Variants in ANO3 observed in about 807,000 individuals in gnomAD.
ANO3 encodes anoctamin-3.
ANO3 carries 99 observed loss-of-function variants against 144.8 expected under a neutral mutation model. That is an observed-to-expected ratio of 0.68 (90% CI 0.58 to 0.81). The LOEUF is 0.81. Among genes scored for constraint, ANO3 ranks in the 30% least tolerant of loss-of-function variants. The pLI is 0.00. For missense variants in ANO3, 905 were observed against 1,202.2 expected (o/e 0.75, Z 3.66); for synonymous variants, 414 against 392.6 (o/e 1.05, Z -0.64).
At chr11:26,572,954 G>A (rs1850884093) in intron 14 of ANO3, among the ~76,000 whole-genome samples, 1 of 152,128 alleles carries the variant, frequency 6.6e-6, no homozygotes, top group Admixed American at 6.6e-5. Context: ...CCCAGGTAAT[G>A]CTTGATTAAA....
intron 1 of ANO3, among the ~76,000 whole-genome samples, chr11:26,372,153 TC>T (rs149658918): frequency 0.016 from 2,498 of 152,264 alleles, 62 homozygotes; most frequent in African/African-American, 0.057. Flanking sequence ...AGGGTGGTTT[TC>T]CCCATGCTCT....
At chr11:26,208,250 A>C (rs2133778859) in intron 1 of ANO3, 1 of 152,456 alleles carries the variant, frequency 6.6e-6, no homozygotes, top group South Asian at 2.1e-4. Flanking sequence ...TGTGGCTCAC[A>C]CCTGTAATCC....
chr11:26,420,405 CT>C (rs1350713918), intron 1 of ANO3, among the ~76,000 whole-genome samples: 4 of 152,034 alleles, frequency 2.6e-5, no homozygotes, highest in Non-Finnish European at 5.9e-5. Flanking sequence ...CATCCTGCCC[CT>C]CTTACCAGTT....
At chr11:26,641,570 T>A (rs1853151499) in intron 21 of ANO3, among the ~76,000 whole-genome samples, 1 of 152,104 alleles carries the variant, frequency 6.6e-6, no homozygotes, top group African/African-American at 2.4e-5. Context: ...ATTTGTTTAA[T>A]CAATGTCAAG....
chr11:26,450,861 G>A (rs184392578), intron 3 of ANO3, among the ~76,000 whole-genome samples: 13 of 152,228 alleles, frequency 8.5e-5, no homozygotes, highest in African/African-American at 2.6e-4. Flanking sequence ...TGACATTATA[G>A]TAAAGAAGAA....
intron 3 of ANO3, among the ~76,000 whole-genome samples, chr11:26,450,020 C>A (rs145900793): frequency 6.6e-6 from 1 of 152,060 alleles, no homozygotes. Flanking sequence ...CCTCCCAAAG[C>A]GCTGGGATTT....
At chr11:26,288,489 G>C (rs916793672) in intron 1 of ANO3, among the ~76,000 whole-genome samples, 1 of 152,022 alleles carries the variant, frequency 6.6e-6, no homozygotes, top group Admixed American at 6.6e-5. Flanking sequence ...GGTAGGAAAG[G>C]GATTCCTTCC....
At chr11:26,659,107 T>TAC (rs1853795474) in intron 26 of ANO3, among the ~76,000 whole-genome samples, 1 of 130,370 alleles carries the variant, frequency 7.7e-6, no homozygotes, top group Non-Finnish European at 1.8e-5. Context: ...CACATATATA[T>TAC]ATACACACAT....
chr11:26,385,588 C>T (rs532007074), intron 1 of ANO3, among the ~76,000 whole-genome samples: 7 of 152,202 alleles, frequency 4.6e-5, no homozygotes, highest in South Asian at 2.1e-4. Flanking sequence ...AAATGTCTAA[C>T]CTCTGCTTCC....
intron 1 of ANO3, among the ~76,000 whole-genome samples, chr11:26,392,185 A>G (rs1856898468): frequency 6.6e-6 from 1 of 150,398 alleles, no homozygotes; most frequent in African/African-American, 2.4e-5. Context: ...ATTGAGTCAC[A>G]AGACTGGTTT....
At chr11:26,512,272 C>G (rs1339918270) in intron 5 of ANO3, among the ~76,000 whole-genome samples, 1 of 152,206 alleles carries the variant, frequency 6.6e-6, no homozygotes, top group African/African-American at 2.4e-5. Context: ...TTTCCCTTCT[C>G]TCAAGAGTGA....
chr11:26,450,496 G>A (rs1858889469), intron 3 of ANO3, among the ~76,000 whole-genome samples: 1 of 152,184 alleles, frequency 6.6e-6, no homozygotes, highest in Admixed American at 6.5e-5. Flanking sequence ...CACAGAGCAA[G>A]CCATGTATGG....
rs894796653 is a variant in ANO3, at chr11:26,332,212, G to A, written c.-64G>A. On this transcript the variant is annotated 5_prime_UTR_variant, in exon 1 of 27. Coordinates refer to ENST00000256737, the MANE Select transcript of ANO3 (RefSeq NM_031418.4). ...CGGACCTTGGAGCGTCTAGAGTCTG[G>A]CTACTGTTCCTCCGCCTCCCTCTCG... 45 of 1,613,820 alleles carry A rather than the reference G, an allele frequency of 2.8e-5. No individual in the cohort carries two copies. The Admixed American group carries it at 7.2e-4, about 26-fold the overall frequency.
chr11:26,286,318 TAAAGG>T (rs1564949189), intron 1 of ANO3, among the ~76,000 whole-genome samples: 1 of 152,214 alleles, frequency 6.6e-6, no homozygotes, highest in Non-Finnish European at 1.5e-5. Context: ...TATTTTGATA[TAAAGG>T]CCTGGGGTTT....
chr11:26,466,376 C>G (rs1859602884), intron 4 of ANO3, among the ~76,000 whole-genome samples: 1 of 151,936 alleles, frequency 6.6e-6, no homozygotes. Context: ...TGTATCCACT[C>G]TATTTTCAAT....
intron 1 of ANO3, among the ~76,000 whole-genome samples, chr11:26,400,167 C>T (rs1857113131): frequency 6.6e-6 from 1 of 151,868 alleles, no homozygotes; most frequent in African/African-American, 2.4e-5. Flanking sequence ...GGAGCATTAA[C>T]CAAAACCATG....
At chr11:26,452,453 T>C (rs1215020362) in intron 3 of ANO3, among the ~76,000 whole-genome samples, 3 of 152,128 alleles carry the variant, frequency 2.0e-5, no homozygotes, top group East Asian at 1.9e-4. Flanking sequence ...CAGGAGCCGA[T>C]GCGATCAACT....
rs375555803 is a variant in ANO3 at position 26,335,397 on chromosome 11, CT to C, written c.46+3085del. ...TAGCAGTTCCCTTATAATTTCTTGC[CT>C]TTTTTTTTCTTTTGCATCACGCAGC... On this transcript the variant is annotated intron_variant, in intron 1 of 26. Transcript: ENST00000256737. Among the ~76,000 whole-genome samples the C allele has an allele frequency of 4.9e-3, 735 of 151,010 alleles. 5 individuals carry two copies. The highest frequency in any genetic ancestry group is 0.017 in the African/African-American group (705 of 41,172).
At chr11:26,320,353 G>A (rs1209543318) in intron 1 of ANO3, among the ~76,000 whole-genome samples, 1 of 152,146 alleles carries the variant, frequency 6.6e-6, no homozygotes, top group Non-Finnish European at 1.5e-5. Flanking sequence ...AACCACAAAG[G>A]GAAGGAGATT....
Sources: allele counts gnomAD v4.1 joint callset (sites outside exome capture counted in the v4.1 genomes callset), GRCh38; gene constraint gnomAD v4.1.1; transcripts MANE v1.5; gene names NCBI Gene and HGNC (gene_info 2026-07-23, HGNC 2026-07-21).